The following MYPN variants were observed in gnomAD, a reference collection of about 807,000 sequenced individuals.
MYPN encodes sarcomeric protein myopalladin, 145 kDa (MYOP).
MYPN carries 63 observed loss-of-function variants against 129.4 expected under a neutral mutation model. The observed-to-expected ratio is 0.49, with a 90% confidence interval of 0.40 to 0.60. MYPN has a LOEUF of 0.60. MYPN is among the 20% of genes least tolerant of loss of function. MYPN has a pLI of 0.00. For missense variants in MYPN, 1,596 were observed against 1,635.4 expected, an observed-to-expected ratio of 0.98 and a Z score of 0.42; for synonymous variants, 629 against 600.9, an observed-to-expected ratio of 1.05 and a Z score of -0.68.
chr10:68,102,122 CTTTTTTTTTT>C (rs35930233), upstream of MYPN, among the ~76,000 whole-genome samples: 2 of 108,444 alleles, frequency 1.8e-5, no homozygotes, highest in South Asian at 3.1e-4. Context: ...TTTCTCTCTC[CTTTTTTTTTT>C]TTTTTTTTTT....
chr10:68,186,385 C>A (rs2043421942), intron 12 of MYPN, among the ~76,000 whole-genome samples: 1 of 152,152 alleles, frequency 6.6e-6, no homozygotes, highest in South Asian at 2.1e-4. Context: ...TAGAGAACAT[C>A]ACTAATGTGA....
rs565280682 is a variant in MYPN at position 68,109,572 on chromosome 10, A to G, written c.-153A>G. The G allele has an allele frequency of 2.2e-6, 1 of 453,716 alleles. No homozygotes were observed. Among genetic ancestry groups the G allele is most frequent in the African/African-American group, 2.0e-5 (1 of 49,976 alleles). 28.1% of individuals were successfully genotyped at this position (453,716 alleles called of 1,614,324 possible). ...TCACTGAAACTAAGGTTAACTCCTC[A>G]CTCTCTATGGACGGCTACTCTCTAT... On this transcript the variant is annotated 5_prime_UTR_variant, in exon 1 of 20. Coordinates refer to ENST00000358913, the MANE Select transcript of MYPN (RefSeq NM_032578.4).
chr10:68,109,152 T>G (rs538588644), upstream of MYPN: 2 of 162,712 alleles, frequency 1.2e-5, no homozygotes, highest in African/African-American at 4.8e-5. Flanking sequence ...TGTCCTAAAA[T>G]GTATCAGTGA....
chr10:68,179,459 A>C (rs2043280609), intron 12 of MYPN, among the ~76,000 whole-genome samples: 1 of 152,200 alleles, frequency 6.6e-6, no homozygotes, highest in African/African-American at 2.4e-5. Context: ...CTCAGTGAAC[A>C]TTGCTGAATC....
chr10:68,179,576 A>T (rs1440902677), intron 12 of MYPN, among the ~76,000 whole-genome samples: 1 of 152,242 alleles, frequency 6.6e-6, no homozygotes, highest in Non-Finnish European at 1.5e-5. Flanking sequence ...AGTTCACTTG[A>T]CTATATAGAT....
chr10:68,142,802 A>G (rs1440016891), intron 2 of MYPN, 138 bp from the exon 3 acceptor site: 54 of 850,526 alleles, frequency 6.3e-5, no homozygotes, highest in Middle Eastern at 2.3e-4. Context: ...TTACAAAAAA[A>G]TAATGTTATA....
intron 5 of MYPN, 30 bp downstream of exon 5, chr10:68,148,497 C>T: frequency 6.4e-7 from 1 of 1,554,586 alleles, no homozygotes; most frequent in Non-Finnish European, 8.9e-7. Flanking sequence ...ACACAAGTGC[C>T]ATCCACTGTG....
upstream of MYPN, among the ~76,000 whole-genome samples, chr10:68,105,348 T>G (rs1190014498): frequency 6.6e-6 from 1 of 152,226 alleles, no homozygotes; most frequent in Admixed American, 6.5e-5. Context: ...CCTAGCATAG[T>G]GCCTCGCACA....
At position 68,121,609 on chromosome 10, in the gene MYPN, A is replaced by C. The variant is rs1238754703; in HGVS notation, c.171A>C (p.Gln57His). Residue 57 changes from glutamine (Q) to histidine (H), a missense_variant, in exon 2 of 20, where the codon CAA becomes CAC. Physicochemically the swap from Gln to His is conservative, Grantham distance 24. Transcript: ENST00000358913. Reference protein sequence around the residue: ...PSGAAEGGGGQDDLPDLSAFL... With the variant: ...PSGAAEGGGGHDDLPDLSAFL... ...GGGCCGCTGAAGGAGGCGGAGGCCA[A>C]GATGACCTTCCAGATCTTTCAGCCT... 2 of 1,614,126 alleles carry C rather than the reference A, an allele frequency of 1.2e-6. No homozygotes were observed. Among genetic ancestry groups the C allele is most frequent in the East Asian group, 4.5e-5 (2 of 44,898 alleles).
intron 2 of MYPN, among the ~76,000 whole-genome samples, chr10:68,128,635 G>C (rs2042362534): frequency 6.6e-6 from 1 of 152,132 alleles, no homozygotes; most frequent in African/African-American, 2.4e-5. Flanking sequence ...AAGGAACACA[G>C]ATAATAAACA....
At chr10:68,191,349 C>T (rs1300050254) in intron 13 of MYPN, among the ~76,000 whole-genome samples, 4 of 151,922 alleles carry the variant, frequency 2.6e-5, no homozygotes, top group African/African-American at 9.7e-5. Flanking sequence ...TCCTGAGTAG[C>T]TGGGATGACA....
chr10:68,159,946 G>C (rs1417274737), intron 7 of MYPN, among the ~76,000 whole-genome samples: 1 of 152,046 alleles, frequency 6.6e-6, no homozygotes, highest in Non-Finnish European at 1.5e-5. Context: ...ATGAACATAC[G>C]TATTACCTCA....
intron 10 of MYPN, among the ~76,000 whole-genome samples, chr10:68,171,215 T>C (rs1279998001): frequency 1.3e-5 from 2 of 151,470 alleles, no homozygotes; most frequent in Admixed American, 1.3e-4. Context: ...CCCCACTCCC[T>C]ACCACCCACC....
chr10:68,138,185 C>T (rs148607103), intron 2 of MYPN, among the ~76,000 whole-genome samples: 1 of 151,538 alleles, frequency 6.6e-6, no homozygotes, highest in East Asian at 1.9e-4. Flanking sequence ...TCATTGCAAC[C>T]TCTGCCTCCT....
chr10:68,157,868 A>AAAAC (rs2042906158), intron 6 of MYPN, among the ~76,000 whole-genome samples: 8 of 149,726 alleles, frequency 5.3e-5, no homozygotes, highest in Non-Finnish European at 8.9e-5. Context: ...ACAAAAAAAA[A>AAAAC]CACCCCCGAC....
intron 1 of MYPN, among the ~76,000 whole-genome samples, chr10:68,093,394 A>G (rs1482133328): frequency 6.6e-6 from 1 of 152,098 alleles, no homozygotes; most frequent in Non-Finnish European, 1.5e-5. Flanking sequence ...TGGATCAAGA[A>G]AGAATTCAGG....
chr10:68,089,959 C>T (rs17456442), intron 1 of MYPN, among the ~76,000 whole-genome samples: 1,609 of 152,248 alleles, frequency 0.011, 13 homozygotes, highest in Middle Eastern at 0.02. Flanking sequence ...TTATATGGGA[C>T]ACAGCCTAAG....
intron 1 of MYPN, among the ~76,000 whole-genome samples, chr10:68,090,942 T>A (rs1314603046): frequency 6.6e-6 from 1 of 152,164 alleles, no homozygotes; most frequent in Non-Finnish European, 1.5e-5. Flanking sequence ...CCCAAAATTC[T>A]TAGAGTGATC....
intron 7 of MYPN, among the ~76,000 whole-genome samples, chr10:68,159,779 C>T (rs1161953127): frequency 2.0e-5 from 3 of 152,076 alleles, no homozygotes; most frequent in Admixed American, 6.6e-5. Flanking sequence ...TGTTTTACTT[C>T]CTTTTGCATT....
Sources: gnomAD v4.1 joint callset for allele counts (sites outside exome capture counted in the v4.1 genomes callset) on GRCh38, gnomAD v4.1.1 for gene constraint, MANE v1.5 for transcripts, NCBI Gene and HGNC (gene_info 2026-07-23, HGNC 2026-07-21) for gene names.